The following NSD1 variants were observed in gnomAD, a reference collection of about 807,000 sequenced individuals.
The protein encoded by NSD1 is histone-lysine N-methyltransferase, H3 lysine-36 specific.
NSD1 carries 26 observed loss-of-function variants against 242.7 expected under a neutral mutation model. The observed-to-expected ratio is 0.11, with a 90% confidence interval of 0.08 to 0.15. The LOEUF (loss-of-function observed/expected upper bound fraction) is 0.15. Ranked by LOEUF, NSD1 falls within the 10% of genes least tolerant of loss-of-function variation. The pLI, the probability that NSD1 is intolerant of heterozygous loss-of-function variation, is 1.00. For synonymous variants in NSD1, 1,106 were observed against 1,178.1 expected (o/e 0.94, Z 1.25); for missense variants, 2,495 against 3,272.8 (o/e 0.76, Z 5.80).
intron 5 of NSD1, among the ~76,000 whole-genome samples, chr5:177,231,737 A>G (rs1009931263): frequency 1.3e-5 from 2 of 152,016 alleles, no homozygotes; most frequent in African/African-American, 4.8e-5. Flanking sequence ...AGATTTTTTT[A>G]AAGGACGTAC....
At chr5:177,207,240 G>A (rs997726693) in intron 4 of NSD1, among the ~76,000 whole-genome samples, 5 of 151,826 alleles carry the variant, frequency 3.3e-5, no homozygotes, top group Non-Finnish European at 5.9e-5. Context: ...GAGCCACTGT[G>A]CCCGGCCTCG....
At chr5:177,132,659 T>C (rs1264690342), upstream of NSD1, among the ~76,000 whole-genome samples, 2 of 151,878 alleles carry the variant, frequency 1.3e-5, no homozygotes, top group African/African-American at 4.8e-5. This position sits in a 1 kb window ranked among gnomAD's most constrained non-coding sequence, Gnocchi z 7.5. Flanking sequence ...CCCGGCTCGG[T>C]GCCGGGGGTG....
rs1273023392 is a variant in NSD1, at chr5:177,204,285, G to A, written c.1229G>A (p.Arg410Lys). Residue 410 changes from arginine to lysine, a missense_variant, in exon 4 of 23, where the codon AGG (arginine) becomes AAG (lysine). Coordinates refer to ENST00000439151, the MANE Select transcript of NSD1 (RefSeq NM_022455.5). ...GGGAAACAGAAAGAAAAAGGATATAGGCATAAGGTAGGAAACGAAAAAGGC... is the reference window on the plus strand; with the variant it reads ...GGGAAACAGAAAGAAAAAGGATATAAGCATAAGGTAGGAAACGAAAAAGGC... The part of the protein sequence containing the change: ...RRGKQKEKGY[R>K]HKVPQKILSK... The A allele has an allele frequency of 6.2e-7, 1 of 1,613,524 alleles. No homozygotes were observed. The highest frequency in any genetic ancestry group is 1.3e-5 in the African/African-American group (1 of 74,888).
rs574336998 is a variant in NSD1, at chr5:177,293,140, A to G, written c.6464-692A>G. 3.3e-3 allele frequency among the ~76,000 whole-genome samples: 503 copies of G among 152,352 alleles called. 1 individual carries two copies. Among genetic ancestry groups the G allele is most frequent in the Non-Finnish European group, 4.3e-3 (295 of 68,028 alleles). On this transcript the variant is annotated intron_variant, in intron 22 of 22. Coordinates refer to ENST00000439151, the MANE Select transcript of NSD1 (RefSeq NM_022455.5). ...ACTGGCGCAGGCTATGATAGAACCAATCTTGCCTGTGTGCCAGGAGTGGGA... is the reference window on the plus strand; with the variant it reads ...ACTGGCGCAGGCTATGATAGAACCAGTCTTGCCTGTGTGCCAGGAGTGGGA...
intron 2 of NSD1, among the ~76,000 whole-genome samples, chr5:177,182,016 G>A (rs1257616415): frequency 6.6e-6 from 1 of 152,030 alleles, no homozygotes; most frequent in Non-Finnish European, 1.5e-5. Context: ...GCCAGGCATG[G>A]TGGCGGGCGT....
At chr5:177,287,123 G>T (rs1481204569) in intron 20 of NSD1, among the ~76,000 whole-genome samples, 1 of 152,140 alleles carries the variant, frequency 6.6e-6, no homozygotes, top group East Asian at 1.9e-4. Flanking sequence ...GCTGCATATT[G>T]AACTCTTTTC....
At chr5:177,191,274 C>G (rs1429277942) in intron 2 of NSD1, among the ~76,000 whole-genome samples, 1 of 152,072 alleles carries the variant, frequency 6.6e-6, no homozygotes, top group African/African-American at 2.4e-5. Context: ...CCAGCCAATC[C>G]CAGTATTTTT....
intron 2 of NSD1, among the ~76,000 whole-genome samples, chr5:177,168,571 C>T (rs1759431364): frequency 6.6e-6 from 1 of 151,842 alleles, no homozygotes; most frequent in Non-Finnish European, 1.5e-5. Flanking sequence ...GTGATTTCTC[C>T]TGCCCCACCC....
At chr5:177,250,436 G>T (rs1054739042) in intron 11 of NSD1, among the ~76,000 whole-genome samples, 27 of 152,078 alleles carry the variant, frequency 1.8e-4, no homozygotes, top group African/African-American at 6.3e-4. Context: ...CAGGTGTCCC[G>T]GTTTGAAAGA....
At chr5:177,193,126 A>G (rs1337915003) in intron 3 of NSD1, among the ~76,000 whole-genome samples, 3 of 152,004 alleles carry the variant, frequency 2.0e-5, no homozygotes, top group African/African-American at 7.2e-5. Flanking sequence ...GATGGGGCTG[A>G]AACTTGATTT....
At chr5:177,257,209 G>T in intron 13 of NSD1, 58 bp downstream of exon 13, 485 of 1,008,618 alleles carry the variant, frequency 4.8e-4, no homozygotes, top group Non-Finnish European at 6.7e-4. Flanking sequence ...ATTGGCAACA[G>T]ATATTTTCTT....
chr5:177,223,580 C>T (rs1764409546), intron 5 of NSD1, among the ~76,000 whole-genome samples: 1 of 151,952 alleles, frequency 6.6e-6, no homozygotes, highest in Admixed American at 6.6e-5. Flanking sequence ...CTCCAAAAAA[C>T]AAAACAAGAG....
chr5:177,137,047 T>C, intron 2 of NSD1: 1 of 474,460 alleles, frequency 2.1e-6, no homozygotes, highest in South Asian at 3.9e-5. Flanking sequence ...GTTGTTGTTT[T>C]CAGTAATGCT....
chr5:177,265,850 A>T, intron 14 of NSD1: 1 of 1,435,652 alleles, frequency 7.0e-7, no homozygotes. Context: ...CTGGGTGTGC[A>T]CGTAGTCATT....
At position 177,296,001 on chromosome 5, in the gene NSD1, CCAGGAAGTAA is replaced by C. The variant is rs1480683731; in HGVS notation, c.*551_*560del. On this transcript the variant is annotated 3_prime_UTR_variant, in exon 23 of 23. Transcript: ENST00000439151. ...TTCCAAGGCTTTCAGGAACCTTTGACCAGGAAGTAACAGGAAGTTCTGAGGGGCCCTGGGG... is the reference window on the plus strand; with the variant it reads ...TTCCAAGGCTTTCAGGAACCTTTGACCAGGAAGTTCTGAGGGGCCCTGGGG... 1.2e-5 allele frequency: 3 copies of C among 259,120 alleles called. No homozygotes were observed. Among genetic ancestry groups the C allele is most frequent in the South Asian group, 2.2e-4 (2 of 9,100 alleles). The allele number at this position is 259,120 out of a possible 1,614,324, so 16.1% of individuals were successfully genotyped here.
chr5:177,216,960 T>C (rs999372318), intron 5 of NSD1, among the ~76,000 whole-genome samples: 1 of 151,846 alleles, frequency 6.6e-6, no homozygotes, highest in Non-Finnish European at 1.5e-5. Context: ...TTTTTTTTTT[T>C]TTCTTCTCAA....
chr5:177,223,863 G>A (rs796636990), intron 5 of NSD1, among the ~76,000 whole-genome samples: 7 of 152,246 alleles, frequency 4.6e-5, no homozygotes, highest in African/African-American at 1.7e-4. Context: ...ACACATGCCT[G>A]TAATCCCAGC....
intron 5 of NSD1, among the ~76,000 whole-genome samples, chr5:177,224,781 A>G (rs1764510802): frequency 6.6e-6 from 1 of 151,610 alleles, no homozygotes; most frequent in Non-Finnish European, 1.5e-5. Flanking sequence ...GGAGGAAATA[A>G]TTGAGTCTTT....
At chr5:177,265,962 G>C (rs1757406667) in intron 14 of NSD1, 1 of 1,161,108 alleles carries the variant, frequency 8.6e-7, no homozygotes, top group Admixed American at 1.7e-5. Flanking sequence ...GTAACCAGCT[G>C]TTTGAGGTCC....
Sources: gnomAD v4.1 joint callset for allele counts (sites outside exome capture counted in the v4.1 genomes callset) on GRCh38, gnomAD v4.1.1 for gene constraint, Gnocchi (gnomAD v3.1) non-coding constraint, MANE v1.5 for transcripts, NCBI Gene and HGNC (gene_info 2026-07-23, HGNC 2026-07-21) for gene names.